Variants in PPFIA2 observed in about 807,000 individuals in gnomAD.
PPFIA2 encodes liprin-alpha-2.
In PPFIA2, 46 loss-of-function variants were observed where a neutral mutation model predicts 175.5. The ratio of observed to expected loss-of-function variants is 0.26; its 90% CI spans 0.21 to 0.34. The LOEUF (loss-of-function observed/expected upper bound fraction) is 0.34, where lower values mean the gene tolerates loss of function less well. Among genes scored for constraint, PPFIA2 ranks in the 10% least tolerant of loss-of-function variants. The pLI, the probability that PPFIA2 is intolerant of heterozygous loss-of-function variation, is 1.00. For missense variants in PPFIA2, 1,179 were observed against 1,506.1 expected, an observed-to-expected ratio of 0.78 and a Z score of 3.60; for synonymous variants, 568 against 511.4, an observed-to-expected ratio of 1.11 and a Z score of -1.49.
chr12:81,375,360 T>A (rs557243530), intron 10 of PPFIA2, among the ~76,000 whole-genome samples: 9 of 152,104 alleles, frequency 5.9e-5, no homozygotes, highest in Non-Finnish European at 1.2e-4. Context: ...CGGCTATAGT[T>A]TGCCTGTTTC....
intron 1 of PPFIA2, among the ~76,000 whole-genome samples, chr12:81,758,905 A>G (rs945741382): frequency 7.3e-5 from 11 of 151,696 alleles, no homozygotes; most frequent in African/African-American, 1.2e-4. Flanking sequence ...GTCCCTCCAA[A>G]AGAAAGCTTG....
In PPFIA2 at chr12:81,680,860, A is replaced by G. The variant is rs190121866; in HGVS notation, c.250-4016T>C. On this transcript the variant is annotated intron_variant, in intron 3 of 32. Coordinates refer to ENST00000549396, the MANE Select transcript of PPFIA2 (RefSeq NM_003625.5). ...ATTAGAGCAGGTAAGTGAGGTGCCT[A>G]TAGTGCAAAATTTAAGTAGGTGCTG... Among the ~76,000 whole-genome samples, 498 of 152,070 alleles carry G rather than the reference A, an allele frequency of 3.3e-3. 2 individuals carry two copies. Among genetic ancestry groups the G allele is most frequent in the African/African-American group, 0.012 (483 of 41,520 alleles).
At chr12:81,663,528 G>A (rs1208064180) in intron 4 of PPFIA2, among the ~76,000 whole-genome samples, 2 of 152,124 alleles carry the variant, frequency 1.3e-5, no homozygotes, top group African/African-American at 2.4e-5. Flanking sequence ...ACTGCTCAAC[G>A]AAATAAAAGA....
intron 15 of PPFIA2, among the ~76,000 whole-genome samples, chr12:81,362,039 ATC>A (rs1566444003): frequency 1.3e-5 from 2 of 150,614 alleles, no homozygotes; most frequent in Non-Finnish European, 3.0e-5. Context: ...CTATCTATCT[ATC>A]TATCTATCTA....
At chr12:81,529,829 G>T (rs1456177503) in intron 4 of PPFIA2, among the ~76,000 whole-genome samples, 2 of 151,124 alleles carry the variant, frequency 1.3e-5, no homozygotes, top group Non-Finnish European at 3.0e-5. Flanking sequence ...GAGGGTAGAG[G>T]GTGAGAGGTG....
chr12:81,530,636 A>G (rs2064381268), intron 4 of PPFIA2, among the ~76,000 whole-genome samples: 1 of 151,890 alleles, frequency 6.6e-6, no homozygotes, highest in South Asian at 2.1e-4. Flanking sequence ...CTGCTCAGCC[A>G]CAATCTCTAG....
chr12:81,707,786 T>C (rs1202731362), intron 3 of PPFIA2, among the ~76,000 whole-genome samples: 1 of 151,202 alleles, frequency 6.6e-6, no homozygotes, highest in Non-Finnish European at 1.5e-5. Context: ...TATCCAACAA[T>C]GATAGACTGG....
intron 4 of PPFIA2, among the ~76,000 whole-genome samples, chr12:81,654,401 CCTAACTAATTA>C (rs1004566713): frequency 1.4e-4 from 21 of 151,824 alleles, no homozygotes; most frequent in African/African-American, 4.4e-4. Flanking sequence ...AACATAAAAT[CCTAACTAATTA>C]CTATCAACGA....
intron 15 of PPFIA2, among the ~76,000 whole-genome samples, chr12:81,360,424 G>C (rs1346439808): frequency 6.6e-6 from 1 of 151,796 alleles, no homozygotes; most frequent in Non-Finnish European, 1.5e-5. Context: ...TTTTTTTAGA[G>C]AAAACCTATT....
At chr12:81,517,189 A>T (rs2147956197) in intron 4 of PPFIA2, among the ~76,000 whole-genome samples, 1 of 151,568 alleles carries the variant, frequency 6.6e-6, no homozygotes, top group Middle Eastern at 3.4e-3. Context: ...CTAGTGGGAA[A>T]TTTGTCACAC....
At chr12:81,641,362 A>G (rs746133058) in intron 4 of PPFIA2, among the ~76,000 whole-genome samples, 25 of 152,154 alleles carry the variant, frequency 1.6e-4, no homozygotes, top group Non-Finnish European at 2.9e-4. Context: ...CATGGCCACA[A>G]TTCAGATTAC....
At chr12:81,672,234 T>C (rs2153564482) in intron 4 of PPFIA2, among the ~76,000 whole-genome samples, 1 of 152,170 alleles carries the variant, frequency 6.6e-6, no homozygotes, top group African/African-American at 2.4e-5. Context: ...ATTAATATTA[T>C]TTTATTATCT....
At chr12:81,561,496 A>T (rs913166036) in intron 4 of PPFIA2, among the ~76,000 whole-genome samples, 5 of 151,986 alleles carry the variant, frequency 3.3e-5, no homozygotes, top group African/African-American at 1.2e-4. Flanking sequence ...TGCCAGGGTA[A>T]TACAGGAGGG....
At chr12:81,708,834 A>G (rs1033324574) in intron 3 of PPFIA2, among the ~76,000 whole-genome samples, 4 of 152,204 alleles carry the variant, frequency 2.6e-5, no homozygotes, top group African/African-American at 9.6e-5. Context: ...GCTGTGATTC[A>G]ATGAACCTGA....
At chr12:81,310,887 A>G (rs1033268670) in intron 22 of PPFIA2, among the ~76,000 whole-genome samples, 1 of 152,184 alleles carries the variant, frequency 6.6e-6, no homozygotes, top group South Asian at 2.1e-4. Flanking sequence ...ACTAGTTAAT[A>G]AAGTAATATT....
At chr12:81,392,216 T>C (rs2040258632) in intron 8 of PPFIA2, among the ~76,000 whole-genome samples, 1 of 151,846 alleles carries the variant, frequency 6.6e-6, no homozygotes, top group South Asian at 2.1e-4. Flanking sequence ...ACAAAAAGCA[T>C]AGACTCAAGG....
At chr12:81,675,294 T>C (rs1298513484) in intron 4 of PPFIA2, among the ~76,000 whole-genome samples, 1 of 151,928 alleles carries the variant, frequency 6.6e-6, no homozygotes, top group African/African-American at 2.4e-5. Context: ...GGGAATGACA[T>C]TGATGTCGTT....
chr12:81,659,500 C>T (rs1194870763), intron 4 of PPFIA2, among the ~76,000 whole-genome samples: 2 of 152,118 alleles, frequency 1.3e-5, no homozygotes, highest in African/African-American at 4.8e-5. Context: ...GGCAATGAGG[C>T]TGGGAGAGGG....
intron 21 of PPFIA2, among the ~76,000 whole-genome samples, chr12:81,331,028 T>G (rs1342505282): frequency 6.6e-6 from 1 of 152,208 alleles, no homozygotes; most frequent in East Asian, 1.9e-4. Context: ...TTGTAACTAT[T>G]GGTTCCTTAG....
Sources: gnomAD v4.1 joint callset for allele counts (sites outside exome capture counted in the v4.1 genomes callset) on GRCh38, gnomAD v4.1.1 for gene constraint, MANE v1.5 for transcripts, NCBI Gene and HGNC (gene_info 2026-07-23, HGNC 2026-07-21) for gene names.